Variants in NELL1 observed in about 807,000 individuals in gnomAD.
The protein encoded by NELL1 is neural EGFL like 1.
Under a neutral mutation model 107.4 loss-of-function variants are expected in NELL1, and 76 were observed. The observed-to-expected ratio is 0.71, with a 90% CI of 0.59 to 0.86. The LOEUF is 0.86. Among genes scored for constraint, NELL1 ranks in the 40% least tolerant of loss-of-function variants. The probability of loss-of-function intolerance (pLI) is 0.00; values close to 1 mark genes in which losing one functional copy is unlikely to be tolerated. For missense variants in NELL1, 1,024 were observed against 1,005.5 expected, an observed-to-expected ratio of 1.02 and a Z score of -0.25; for synonymous variants, 353 against 341.2, an observed-to-expected ratio of 1.03 and a Z score of -0.38.
chr11:20,992,577 T>C (rs1851999166), intron 12 of NELL1, among the ~76,000 whole-genome samples: 1 of 152,196 alleles, frequency 6.6e-6, no homozygotes, highest in Non-Finnish European at 1.5e-5. Context: ...TTCCCTTCTC[T>C]GGCCTTGAAT....
At chr11:21,454,835 C>T (rs776333431) in intron 15 of NELL1, among the ~76,000 whole-genome samples, 1 of 152,208 alleles carries the variant, frequency 6.6e-6, no homozygotes. Flanking sequence ...GGGGTCTTCA[C>T]CTTCGTGACA....
intron 12 of NELL1, among the ~76,000 whole-genome samples, chr11:21,064,372 C>T (rs922424618): frequency 3.4e-4 from 51 of 152,122 alleles, no homozygotes; most frequent in African/African-American, 1.2e-3. Flanking sequence ...TGTCATTTTC[C>T]AGGAGCGAGA....
intron 15 of NELL1, among the ~76,000 whole-genome samples, chr11:21,406,768 A>G (rs1418338021): frequency 6.6e-6 from 1 of 152,032 alleles, no homozygotes; most frequent in African/African-American, 2.4e-5. Flanking sequence ...AGTGTGTAAT[A>G]ATCATATCAG....
intron 2 of NELL1, among the ~76,000 whole-genome samples, chr11:20,721,167 GATATATATTTTGTGTAT>G (rs1449114038): frequency 1.9e-5 from 2 of 104,874 alleles, no homozygotes; most frequent in Non-Finnish European, 3.6e-5. Context: ...ATGAGATATA[GATATATATTTTGTGTAT>G]ATATATATAT....
rs1361272751 is a variant in NELL1, at chr11:21,229,519, C to T, written c.1549+65C>T. The T allele has an allele frequency of 3.4e-5, 55 of 1,601,066 alleles. No individual in the cohort carries two copies. In the South Asian group the frequency reaches 5.1e-4, roughly 15 times the overall value. On this transcript the variant is annotated intron_variant, in intron 14 of 19. Coordinates refer to ENST00000357134, the MANE Select transcript of NELL1 (RefSeq NM_006157.5). Reference sequence around the variant, plus strand: ...TCTGCCTGGGCTCTTGGCACTTGTGCGTCGGACCTTCTTGGTAACTCTTGG... The same window carrying T: ...TCTGCCTGGGCTCTTGGCACTTGTGTGTCGGACCTTCTTGGTAACTCTTGG...
chr11:21,480,521 A>G (rs1400083415), intron 15 of NELL1, among the ~76,000 whole-genome samples: 1 of 152,216 alleles, frequency 6.6e-6, no homozygotes, highest in African/African-American at 2.4e-5. Context: ...GGCCACGGAT[A>G]TGCTAAATTG....
At chr11:20,685,132 A>C (rs1362578356) in intron 2 of NELL1, among the ~76,000 whole-genome samples, 1 of 151,742 alleles carries the variant, frequency 6.6e-6, no homozygotes, top group African/African-American at 2.4e-5. Flanking sequence ...CCTCAACTCA[A>C]GGAGATTGCC....
At chr11:21,073,468 T>C (rs528950830) in intron 12 of NELL1, among the ~76,000 whole-genome samples, 43 of 152,334 alleles carry the variant, frequency 2.8e-4, no homozygotes, top group African/African-American at 9.6e-4. Context: ...GAGTTGATTT[T>C]CAAGTTGAGT....
chr11:21,135,359 C>T (rs1425577737), intron 13 of NELL1, among the ~76,000 whole-genome samples: 1 of 152,110 alleles, frequency 6.6e-6, no homozygotes, highest in East Asian at 1.9e-4. Flanking sequence ...AGAACTCAGG[C>T]AGAGAAGTGT....
chr11:21,135,499 G>A (rs1855725542), intron 13 of NELL1, among the ~76,000 whole-genome samples: 1 of 152,188 alleles, frequency 6.6e-6, no homozygotes, highest in Non-Finnish European at 1.5e-5. Flanking sequence ...CCCAACTTTG[G>A]AACCAAAGAG....
rs1306175162 is a variant in NELL1 at position 21,502,378 on chromosome 11, A to G, written c.1646-31996A>G. Among the ~76,000 whole-genome samples the G allele has an allele frequency of 3.3e-5, 5 of 152,160 alleles. No individual in the cohort carries two copies. In the East Asian group the frequency reaches 9.6e-4, roughly 29 times the overall value. On this transcript the variant is annotated intron_variant, in intron 15 of 19. Transcript: ENST00000357134. ...AAACCCGTGATCTTTTCATTGCAAA[A>G]TGCTGCAGAAAGTAAAAATTTGTTT...
intron 11 of NELL1, among the ~76,000 whole-genome samples, chr11:20,949,642 C>A (rs1851032676): frequency 6.6e-6 from 1 of 152,212 alleles, no homozygotes; most frequent in South Asian, 2.1e-4. Flanking sequence ...ACCCAATTTA[C>A]AATAGAACAG....
chr11:20,706,718 T>C (rs1209588888), intron 2 of NELL1, among the ~76,000 whole-genome samples: 1 of 152,228 alleles, frequency 6.6e-6, no homozygotes, highest in Non-Finnish European at 1.5e-5. Flanking sequence ...CACTTTTTTC[T>C]GACTTGTAGA....
intron 2 of NELL1, among the ~76,000 whole-genome samples, chr11:20,700,850 A>T (rs565984797): frequency 3.9e-5 from 6 of 152,168 alleles, no homozygotes; most frequent in African/African-American, 1.4e-4. Context: ...ATCCTTTTTT[A>T]TGGCTGCCTA....
intron 14 of NELL1, among the ~76,000 whole-genome samples, chr11:21,272,078 C>T (rs926739006): frequency 1.1e-4 from 16 of 152,106 alleles, no homozygotes; most frequent in South Asian, 2.1e-4. Context: ...TGCAGTGCAC[C>T]GAGCATGAGC....
At chr11:21,040,951 T>C (rs1461656096) in intron 12 of NELL1, among the ~76,000 whole-genome samples, 1 of 152,182 alleles carries the variant, frequency 6.6e-6, no homozygotes, top group Non-Finnish European at 1.5e-5. Flanking sequence ...TGTCCTTGCT[T>C]TAAAAGCAAT....
intron 12 of NELL1, among the ~76,000 whole-genome samples, chr11:21,003,226 A>G (rs945866607): frequency 6.6e-6 from 1 of 152,140 alleles, no homozygotes; most frequent in Non-Finnish European, 1.5e-5. Flanking sequence ...AATCATGCCT[A>G]TAAACATATA....
At chr11:21,532,764 G>A (rs182986734) in intron 15 of NELL1, among the ~76,000 whole-genome samples, 3 of 152,270 alleles carry the variant, frequency 2.0e-5, no homozygotes, top group Admixed American at 6.5e-5. Flanking sequence ...ATAATCAGCC[G>A]TCTGTTTATA....
At chr11:20,756,687 T>A (rs1050048896) in intron 2 of NELL1, among the ~76,000 whole-genome samples, 15 of 5,352 alleles carry the variant, frequency 2.8e-3, no homozygotes, top group African/African-American at 6.5e-3. Context: ...ATGGGGTCTA[T>A]CTTATGCTTT....
Sources: gnomAD v4.1 joint callset for allele counts (sites outside exome capture counted in the v4.1 genomes callset) on GRCh38, gnomAD v4.1.1 for gene constraint, MANE v1.5 for transcripts, NCBI Gene and HGNC (gene_info 2026-07-23, HGNC 2026-07-21) for gene names.